LETM1: variants seen among roughly 807,000 people sequenced by gnomAD.
LETM1 encodes leucine zipper and EF-hand containing transmembrane protein 1.
LETM1 carries 50 observed loss-of-function variants against 74.5 expected under a neutral mutation model. The ratio of observed to expected loss-of-function variants is 0.67; its 90% CI spans 0.53 to 0.85. The LOEUF is 0.85. LETM1 is among the 40% of genes least tolerant of loss of function. The pLI is 0.00. For missense variants in LETM1, 824 were observed against 967.8 expected (o/e 0.85, Z 1.97); for synonymous variants, 446 against 407.1 (o/e 1.10, Z -1.15).
intron 7 of LETM1, 139 bp downstream of exon 7, chr4:1,825,425 T>A: frequency 9.7e-7 from 1 of 1,029,780 alleles, no homozygotes; most frequent in Non-Finnish European, 1.4e-6. Flanking sequence ...AGCCCAAACA[T>A]CCTGGCCGTC....
At chr4:1,815,340 CAGCGTCGGGGGCCCCTG>C (rs1711529840) in intron 13 of LETM1, among the ~76,000 whole-genome samples, 1 of 152,186 alleles carries the variant, frequency 6.6e-6, no homozygotes. Flanking sequence ...AGTCGCCCCT[CAGCGTCGGGGGCCCCTG>C]AGAGGTGTTT....
intron 12 of LETM1, 87 bp from the exon 13 acceptor site, chr4:1,815,889 A>T (rs1711555698): frequency 5.2e-6 from 8 of 1,537,996 alleles, no homozygotes; most frequent in Non-Finnish European, 7.1e-6. Context: ...GCAAGTGGTC[A>T]GCACTGACAC....
At chr4:1,831,543 T>C (rs554388821) in intron 6 of LETM1, among the ~76,000 whole-genome samples, 2 of 152,364 alleles carry the variant, frequency 1.3e-5, no homozygotes, top group South Asian at 2.1e-4. Flanking sequence ...GGTGGGGAAG[T>C]GTGGCGGATA....
intron 13 of LETM1, among the ~76,000 whole-genome samples, chr4:1,815,040 T>C (rs1026372898): frequency 2.0e-5 from 3 of 152,160 alleles, no homozygotes; most frequent in African/African-American, 4.8e-5. Context: ...ATCACTAACC[T>C]GATGCATGCA....
At chr4:1,852,553 G>C (rs1052772651) in intron 1 of LETM1, among the ~76,000 whole-genome samples, 2 of 152,220 alleles carry the variant, frequency 1.3e-5, no homozygotes, top group South Asian at 2.1e-4. Flanking sequence ...TCACAGCATG[G>C]CCAGCACCTC....
At chr4:1,828,477 G>A (rs867183424) in intron 6 of LETM1, among the ~76,000 whole-genome samples, 2 of 113,168 alleles carry the variant, frequency 1.8e-5, no homozygotes, top group Non-Finnish European at 3.6e-5. Context: ...CTCACCTCCC[G>A]GACGGGGCGG....
chr4:1,849,776 G>T (rs1713006897), intron 1 of LETM1, among the ~76,000 whole-genome samples: 1 of 152,186 alleles, frequency 6.6e-6, no homozygotes, highest in African/African-American at 2.4e-5. Context: ...TCCAACTTTT[G>T]GCCTCGAGCG....
At chr4:1,822,906 C>G (rs974206073) in intron 9 of LETM1, 82 bp downstream of exon 9, 8 of 1,239,066 alleles carry the variant, frequency 6.5e-6, no homozygotes, top group Non-Finnish European at 8.2e-6. Flanking sequence ...ATGCGGGAGG[C>G]CAAGACTGTG....
intron 10 of LETM1, 62 bp downstream of exon 10, chr4:1,822,119 C>T (rs775454201): frequency 3.0e-6 from 4 of 1,342,602 alleles, no homozygotes; most frequent in Non-Finnish European, 3.9e-6. Flanking sequence ...TGCCCCACAA[C>T]TGTCCACAAA....
intron 10 of LETM1, 126 bp downstream of exon 10, chr4:1,822,055 A>G: frequency 1.0e-6 from 1 of 1,000,360 alleles, no homozygotes; most frequent in Non-Finnish European, 1.3e-6. Context: ...AACCCCTTGC[A>G]CCATCTCCTC....
In LETM1 at chr4:1,816,733, G is replaced by A. The variant is rs908472279; in HGVS notation, c.1925C>T (p.Pro642Leu). 5 of 1,613,824 alleles carry A rather than the reference G, an allele frequency of 3.1e-6. No homozygotes were observed. In the African/African-American group the frequency reaches 4.0e-5, roughly 13 times the overall value. The change falls in exon 12 of 14, where the codon CCC (proline) becomes CTC (leucine). Residue 642 changes from proline to leucine, a missense_variant. Physicochemically the swap from Pro to Leu is moderately conservative, Grantham distance 98. This residue lies in a region of LETM1 where 161 missense variants were observed against 252.7 expected (regional missense o/e 0.64). Coordinates refer to ENST00000302787, the MANE Select transcript of LETM1 (RefSeq NM_012318.3). ...AGKLAPANGM[P>L]TGENVISVAE... ...CGCCCACCACCCCACTCACCCCGTG[G>A]GCATGCCGTTGGCCGGGGCCAGCTT...
At chr4:1,826,979 TCGCATCGTCGCCTCCACC>T (rs949465751) in intron 6 of LETM1, among the ~76,000 whole-genome samples, 2 of 151,842 alleles carry the variant, frequency 1.3e-5, no homozygotes, top group African/African-American at 2.4e-5. Flanking sequence ...TCGCCTCCAC[TCGCATCGTCGCCTCCACC>T]CACACCGTGG....
rs535672611 is a variant in LETM1, at chr4:1,825,563, C to A, written c.1200+1G>T. On this transcript the variant is annotated splice_donor_variant, in intron 7 of 13. Transcript: ENST00000302787. LOFTEE classifies it high-confidence loss of function. The stretch of plus-strand genomic sequence containing the variant: ...CTGGCACCAGGCCAATATTCACGCA[C>A]CTGCTTCAGCTGACCCCTCAGGCGG... 6.2e-7 allele frequency: 1 copy of A among 1,609,920 alleles called. No homozygotes were observed. Among genetic ancestry groups the A allele is most frequent in the South Asian group, 1.1e-5 (1 of 90,962 alleles).
Position 1,833,070 on chromosome 4 carries a change from C to A in LETM1, c.877-123G>T, listed in dbSNP as rs377464812. 7.9e-5 allele frequency: 62 copies of A among 780,554 alleles called. No homozygotes were observed. In the East Asian group the frequency reaches 8.0e-4, roughly 10 times the overall value. The allele number at this position is 780,554 out of a possible 1,614,324, so 48.4% of individuals were successfully genotyped here. ...CAGGGACTCAAACCACTGACTACTT[C>A]TTCTTTTTTTTTTTTGTTTGAGACA... On this transcript the variant is annotated intron_variant, in intron 5 of 13. Coordinates refer to ENST00000302787, the MANE Select transcript of LETM1 (RefSeq NM_012318.3).
intron 11 of LETM1, among the ~76,000 whole-genome samples, chr4:1,818,219 A>G (rs1180730830): frequency 6.6e-6 from 1 of 152,266 alleles, no homozygotes; most frequent in Non-Finnish European, 1.5e-5. Context: ...GAGAACCCAC[A>G]TGGCATGAGG....
At position 1,815,839 on chromosome 4, in the gene LETM1, C is replaced by T. The variant is rs1256168916; in HGVS notation, c.1932-37G>A. On this transcript the variant is annotated intron_variant, in intron 12 of 13. Coordinates refer to ENST00000302787, the MANE Select transcript of LETM1 (RefSeq NM_012318.3). ...CAGCCTGCATGTGGCCACGGGCAGG[C>T]GTCCTGCCACACAGGGCCTCACTGC... 16 of 1,606,486 alleles carry T rather than the reference C, an allele frequency of 1.0e-5. No homozygotes were observed. The South Asian group carries it at 1.3e-4, about 13-fold the overall frequency.
chr4:1,822,521 C>A, intron 9 of LETM1: 1 of 429,780 alleles, frequency 2.3e-6, no homozygotes, highest in Non-Finnish European at 3.9e-6. Flanking sequence ...GCTAGAGCAC[C>A]TTATCCATCT....
rs371042512 is a variant in LETM1 at position 1,816,747 on chromosome 4, C to T, written c.1911G>A (p.Pro637=). 463 of 1,613,978 alleles carry T rather than the reference C, an allele frequency of 2.9e-4. 4 individuals carry two copies. The highest frequency in any genetic ancestry group is 5.1e-5 in the Non-Finnish European group (60 of 1,179,970). ...EMDQQAGKLA[P]ANGMPTGENV... is the part of the protein sequence containing the mutation. ...CTCACCCCGTGGGCATGCCGTTGGC[C>T]GGGGCCAGCTTGCCAGCCTGCTGGT... is the stretch of plus-strand genomic sequence containing the variant. The change falls in exon 12 of 14, where the codon CCG becomes CCA. Residue 637 remains proline, a synonymous_variant. Transcript: ENST00000302787.
chr4:1,824,955 G>A (rs1041202072), intron 7 of LETM1, among the ~76,000 whole-genome samples: 1 of 152,272 alleles, frequency 6.6e-6, no homozygotes, highest in Non-Finnish European at 1.5e-5. Flanking sequence ...TGCAGGTTGT[G>A]TGAAAAACCC....
Sources: allele counts gnomAD v4.1 joint callset (sites outside exome capture counted in the v4.1 genomes callset), GRCh38; gene constraint gnomAD v4.1.1; regional missense constraint gnomAD v4.1.1; transcripts MANE v1.5; gene names NCBI Gene and HGNC (gene_info 2026-07-23, HGNC 2026-07-21).